The following SYAP1 variants were observed in gnomAD, a reference collection of about 807,000 sequenced individuals.
The protein encoded by SYAP1 is synapse-associated protein 1.
Under a neutral mutation model 29.6 loss-of-function variants are expected in SYAP1, and 3 were observed. The ratio of observed to expected loss-of-function variants is 0.10; its 90% CI spans 0.05 to 0.26. SYAP1 has a LOEUF of 0.26. SYAP1 is among the 10% of genes least tolerant of loss of function. The pLI is 1.00. For synonymous variants in SYAP1, 102 were observed against 102.7 expected, an observed-to-expected ratio of 0.99 and a Z score of 0.04; for missense variants, 217 against 264.1, an observed-to-expected ratio of 0.82 and a Z score of 1.24.
chrX:16,762,683 C>T lies in SYAP1; in HGVS notation c.*2324C>T, dbSNP rs1927009590. The T allele has an allele frequency of 8.9e-6, 1 of 111,887 alleles. No individual in the cohort carries two copies. Among genetic ancestry groups the T allele is most frequent in the Non-Finnish European group, 1.9e-5 (1 of 53,217 alleles). 9.2% of individuals were successfully genotyped at this position (111,887 alleles called of 1,213,427 possible). A position where few individuals can be genotyped will look rare whatever the true frequency, so the allele number is the denominator to read the frequency against. ...ATAAAATGCTAAAATATGAACATCACACTATGGAGATTATGCCTCACTACT... is the reference window on the plus strand; with the variant it reads ...ATAAAATGCTAAAATATGAACATCATACTATGGAGATTATGCCTCACTACT... On this transcript the variant is annotated 3_prime_UTR_variant, in exon 9 of 9. Transcript: ENST00000380155.
chrX:16,758,712 C>G (rs1444675612), intron 8 of SYAP1, among the ~76,000 whole-genome samples: 3 of 110,551 alleles, frequency 2.7e-5, no homozygotes, highest in Non-Finnish European at 3.8e-5. Context: ...TACACATTGT[C>G]TTTCTGTCCC....
chrX:16,743,572 T>A, intron 4 of SYAP1, 129 bp from the exon 5 acceptor site: 1 of 545,638 alleles, frequency 1.8e-6, no homozygotes, highest in Non-Finnish European at 2.9e-6. Context: ...AGGTGGAGGT[T>A]GCAGTGAGCC....
Position 16,736,205 on chromosome X carries a change from G to A in SYAP1, c.334G>A (p.Val112Ile). 8.4e-7 allele frequency: 1 copy of A among 1,195,590 alleles called. No homozygotes were observed. Among genetic ancestry groups the A allele is most frequent in the Non-Finnish European group, 1.1e-6 (1 of 881,295 alleles). ...TTTTCAGAAGGAACAGAAAAAATTT[G>A]TTGAAGAGCAACATACAAAGAAGTC... ...GDFQKEQKKF[V>I]EEQHTKKSEA... The change falls in exon 3 of 9, where the codon GTT (valine) becomes ATT (isoleucine). Residue 112 changes from valine to isoleucine, a missense_variant. Val to Ile is a conservative substitution (Grantham distance 29). Coordinates refer to ENST00000380155, the MANE Select transcript of SYAP1 (RefSeq NM_032796.4).
Position 16,760,481 on chromosome X carries a change from CT to C in SYAP1, c.*128del. On this transcript the variant is annotated 3_prime_UTR_variant, in exon 9 of 9. Transcript: ENST00000380155. ...TAATTTTATGAAATTCAAAATTATTCTTTTTTCAAGTTGAAACTTGCCTCTT... is the reference window on the plus strand; with the variant it reads ...TAATTTTATGAAATTCAAAATTATTCTTTTTCAAGTTGAAACTTGCCTCTT... The C allele has an allele frequency of 4.0e-6, 3 of 758,424 alleles. No homozygotes were observed. The highest frequency in any genetic ancestry group is 1.8e-6 in the Non-Finnish European group (1 of 562,656). 62.5% of individuals were successfully genotyped at this position (758,424 alleles called of 1,213,427 possible).
At chrX:16,729,447 A>G (rs1426824755) in intron 1 of SYAP1, among the ~76,000 whole-genome samples, 3 of 109,819 alleles carry the variant, frequency 2.7e-5, no homozygotes, top group Non-Finnish European at 5.7e-5. Flanking sequence ...AGTGCTTTCA[A>G]AGAAACCTGT....
chrX:16,758,416 C>T (rs889322371), intron 8 of SYAP1, among the ~76,000 whole-genome samples: 9 of 107,527 alleles, frequency 8.4e-5, no homozygotes, highest in Admixed American at 5.0e-4. Context: ...GGTGCAGTCA[C>T]GGCTCACTGC....
At chrX:16,746,605 G>A (rs1231539119) in intron 5 of SYAP1, among the ~76,000 whole-genome samples, 2 of 110,376 alleles carry the variant, frequency 1.8e-5, no homozygotes, top group Admixed American at 9.7e-5. Flanking sequence ...TTTTGGAGAC[G>A]GAGTTTCGCT....
At position 16,756,689 on chromosome X, in the gene SYAP1, G is replaced by A. The variant is rs775362718; in HGVS notation, c.751G>A (p.Val251Ile). 16 of 1,211,047 alleles carry A rather than the reference G, an allele frequency of 1.3e-5. No individual in the cohort carries two copies. The highest frequency in any genetic ancestry group is 1.8e-5 in the South Asian group (1 of 56,949). ...GGCAGTACGGCCCAAAACGCCACCC[G>A]TTGTAATCAAATCTCAGCTTAAAAC... ...AEAVRPKTPP[V>I]VIKSQLKTQE... is the part of the protein sequence containing the mutation. The change falls in exon 7 of 9, where the codon GTT becomes ATT. Residue 251 changes from valine (V) to isoleucine (I), a missense_variant. By Grantham distance (29) the Val-to-Ile change is conservative. Transcript: ENST00000380155.
At chrX:16,732,432 C>T (rs1926229411) in intron 1 of SYAP1, among the ~76,000 whole-genome samples, 1 of 105,532 alleles carries the variant, frequency 9.5e-6, no homozygotes, top group African/African-American at 3.5e-5. Context: ...ACCCAGGCGC[C>T]CAGCTAATGT....
intron 1 of SYAP1, among the ~76,000 whole-genome samples, chrX:16,729,067 A>G (rs1163508559): frequency 1.8e-5 from 2 of 109,446 alleles, no homozygotes; most frequent in Non-Finnish European, 3.8e-5. Context: ...AAAAAAAGAC[A>G]CAATTGACAA....
intron 3 of SYAP1, among the ~76,000 whole-genome samples, chrX:16,737,730 A>G (rs966918188): frequency 1.9e-4 from 21 of 111,724 alleles, no homozygotes; most frequent in African/African-American, 6.5e-4. Flanking sequence ...ATCTGGGGAA[A>G]ATTTCCTTCT....
Position 16,741,685 on chromosome X carries a change from C to T in SYAP1, c.362-31C>T, listed in dbSNP as rs1163674709. 1.1e-5 allele frequency: 12 copies of T among 1,120,872 alleles called. No individual in the cohort carries two copies. In the Admixed American group the frequency reaches 1.3e-4, roughly 12 times the overall value. The allele number at this position is 1,120,872 out of a possible 1,213,427, so 92.4% of individuals were successfully genotyped here. On this transcript the variant is annotated intron_variant, in intron 3 of 8. Coordinates refer to ENST00000380155, the MANE Select transcript of SYAP1 (RefSeq NM_032796.4). ...TAACCATCATGACCTATTTTTTTCT[C>T]TTTTCTTCTTTGCCATTAAAAACTG...
chrX:16,728,731 C>T lies in SYAP1; in HGVS notation c.176-6496C>T, dbSNP rs938287143. ...TTGTTCATGGATGACAAAAGGTTTT[C>T]GGGTAGCCATAAAGACACAGTTGAG... is the stretch of plus-strand genomic sequence containing the variant. On this transcript the variant is annotated intron_variant, in intron 1 of 8. Transcript: ENST00000380155. Among the ~76,000 whole-genome samples the T allele has an allele frequency of 6.4e-5, 7 of 109,450 alleles. No homozygotes were observed. In the East Asian group the frequency reaches 1.1e-3, roughly 18 times the overall value.
intron 8 of SYAP1, 97 bp downstream of exon 8, chrX:16,757,406 A>C: frequency 1.6e-5 from 15 of 941,540 alleles, no homozygotes; most frequent in South Asian, 2.6e-5. Flanking sequence ...GTGCACAAAA[A>C]TGTGTTGTAA....
At chrX:16,740,683 A>G (rs1459051964) in intron 3 of SYAP1, among the ~76,000 whole-genome samples, 1 of 111,309 alleles carries the variant, frequency 9.0e-6, no homozygotes, top group Non-Finnish European at 1.9e-5. Context: ...GTGTACACAA[A>G]TGTTCAGTAC....
chrX:16,737,465 C>A (rs182791340), intron 3 of SYAP1, among the ~76,000 whole-genome samples: 4 of 112,100 alleles, frequency 3.6e-5, no homozygotes, highest in South Asian at 3.7e-4. Context: ...GGCATTCTTG[C>A]ACCTAGGTAA....
intron 5 of SYAP1, among the ~76,000 whole-genome samples, chrX:16,754,607 A>G (rs977266807): frequency 1.4e-4 from 16 of 110,661 alleles, no homozygotes; most frequent in African/African-American, 5.3e-4. Flanking sequence ...GGGCACCTAT[A>G]ATCCCAGCAA....
Position 16,762,569 on chromosome X carries a change from C to T in SYAP1, c.*2210C>T, listed in dbSNP as rs1927007790. The stretch of plus-strand genomic sequence containing the variant: ...CTTTAAAGAGCAAAATAATTTATCA[C>T]CATGTTTGGTGGAAAATTTCTAAGT... On this transcript the variant is annotated 3_prime_UTR_variant, in exon 9 of 9. Transcript: ENST00000380155. 8.9e-6 allele frequency: 1 copy of T among 111,809 alleles called. No homozygotes were observed. Among genetic ancestry groups the T allele is most frequent in the Admixed American group, 9.6e-5 (1 of 10,401 alleles). 9.2% of individuals were successfully genotyped at this position (111,809 alleles called of 1,213,427 possible).
In SYAP1 at chrX:16,719,755, T is replaced by A; in HGVS notation, c.31T>A (p.Leu11Met). The A allele has an allele frequency of 8.3e-7, 1 of 1,206,529 alleles. No individual in the cohort carries two copies. Residue 11 changes from leucine to methionine, a missense_variant, in exon 1 of 9, where the codon TTG (leucine) becomes ATG (methionine). By Grantham distance (15) the Leu-to-Met change is conservative. Coordinates refer to ENST00000380155, the MANE Select transcript of SYAP1 (RefSeq NM_032796.4). ...CCGGGGCTTGAGCAGTTGGTTGGGCTTGCAGCAGCCGGTGGCAGGCGGTGG... is the reference window on the plus strand; with the variant it reads ...CCGGGGCTTGAGCAGTTGGTTGGGCATGCAGCAGCCGGTGGCAGGCGGTGG... MFRGLSSWLG[L>M]QQPVAGGGQP...
Sources: gnomAD v4.1 joint callset for allele counts (sites outside exome capture counted in the v4.1 genomes callset) on GRCh38, gnomAD v4.1.1 for gene constraint, MANE v1.5 for transcripts, NCBI Gene and HGNC (gene_info 2026-07-23, HGNC 2026-07-21) for gene names.